TCAIM: variants seen among roughly 807,000 people sequenced by gnomAD.
The protein encoded by TCAIM is T cell activation inhibitor, mitochondrial, also known as T-cell activation inhibitor, mitochondrial.
A neutral mutation model predicts 58.6 loss-of-function variants in TCAIM; 36 were observed. That is an observed-to-expected ratio of 0.61 (90% confidence interval 0.47 to 0.81). The LOEUF (loss-of-function observed/expected upper bound fraction) is 0.81. Ranked by LOEUF, TCAIM falls within the 30% of genes least tolerant of loss-of-function variation. The probability of loss-of-function intolerance (pLI) is 0.00; values close to 1 mark genes in which losing one functional copy is unlikely to be tolerated. For missense variants in TCAIM, 466 were observed against 579.6 expected, an observed-to-expected ratio of 0.80 and a Z score of 2.01; for synonymous variants, 172 against 193.6, an observed-to-expected ratio of 0.89 and a Z score of 0.93.
intron 2 of TCAIM, 121 bp from the exon 3 acceptor site, chr3:44,357,620 A>G (rs769281591): frequency 5.8e-5 from 76 of 1,299,240 alleles, no homozygotes; most frequent in Non-Finnish European, 7.5e-5. Context: ...TCAGAAAACC[A>G]CAAAGTATCT....
intron 4 of TCAIM, among the ~76,000 whole-genome samples, chr3:44,363,819 A>T (rs1701326834): frequency 6.6e-6 from 1 of 151,872 alleles, no homozygotes; most frequent in South Asian, 2.1e-4. Context: ...ATGGTGACAC[A>T]AGCCTGTACT....
At chr3:44,394,264 T>C (rs1701886420) in intron 6 of TCAIM, among the ~76,000 whole-genome samples, 2 of 152,232 alleles carry the variant, frequency 1.3e-5, no homozygotes, top group African/African-American at 4.8e-5. Context: ...CTTTTAGACT[T>C]CCATGTGTGG....
At chr3:44,370,408 A>G (rs1412603326) in intron 5 of TCAIM, among the ~76,000 whole-genome samples, 2 of 150,810 alleles carry the variant, frequency 1.3e-5, no homozygotes, top group Non-Finnish European at 2.9e-5. Context: ...GTGAGCCAAC[A>G]TCACGCCACT....
chr3:44,394,286 G>C (rs750331353), intron 6 of TCAIM, among the ~76,000 whole-genome samples: 13 of 152,158 alleles, frequency 8.5e-5, no homozygotes, highest in Non-Finnish European at 1.8e-4. Flanking sequence ...ATGTTTGAAT[G>C]TATGCATATA....
intron 1 of TCAIM, among the ~76,000 whole-genome samples, chr3:44,346,768 A>G (rs1404872633): frequency 6.6e-6 from 1 of 152,160 alleles, no homozygotes; most frequent in East Asian, 1.9e-4. Flanking sequence ...CTAAAACAGT[A>G]AGGTCAAGTT....
At chr3:44,375,430 G>A (rs1701549670) in intron 5 of TCAIM, among the ~76,000 whole-genome samples, 1 of 152,068 alleles carries the variant, frequency 6.6e-6, no homozygotes, top group African/African-American at 2.4e-5. Flanking sequence ...AGAGGAGGAG[G>A]CGCCAGGCTA....
intron 10 of TCAIM, among the ~76,000 whole-genome samples, chr3:44,406,379 T>C (rs934516872): frequency 1.3e-5 from 2 of 152,262 alleles, no homozygotes; most frequent in South Asian, 4.1e-4. Context: ...TTAAGGGTTC[T>C]TTCTGTCTAA....
chr3:44,405,180 C>A (rs559372921), intron 10 of TCAIM, among the ~76,000 whole-genome samples: 1 of 152,264 alleles, frequency 6.6e-6, no homozygotes, highest in South Asian at 2.1e-4. Flanking sequence ...CCCAGAGTAA[C>A]CTGCACCTGA....
chr3:44,394,843 G>A (rs1424110794), intron 6 of TCAIM, among the ~76,000 whole-genome samples: 7 of 127,028 alleles, frequency 5.5e-5, no homozygotes, highest in South Asian at 2.8e-4. Context: ...GCAGTGAGCC[G>A]AGATCACGCC....
chr3:44,397,690 A>T (rs1045703767), intron 8 of TCAIM, among the ~76,000 whole-genome samples: 2 of 152,174 alleles, frequency 1.3e-5, no homozygotes, highest in African/African-American at 4.8e-5. Context: ...TTAACTTTTT[A>T]AAAAACTGCC....
chr3:44,396,792 T>C lies in TCAIM; in HGVS notation c.843T>C (p.His281=). 1 of 1,614,194 alleles carries C rather than the reference T, an allele frequency of 6.2e-7. No individual in the cohort carries two copies. Among genetic ancestry groups the C allele is most frequent in the Non-Finnish European group, 8.5e-7 (1 of 1,180,024 alleles). Residue 281 remains histidine (H), a synonymous_variant, in exon 8 of 11, where the codon CAT becomes CAC. Transcript: ENST00000342649. The part of the protein sequence containing the change: ...TDRSGMSAVG[H]VMLGTMDVHH... The stretch of plus-strand genomic sequence containing the variant: ...GTTCTGGCATGAGTGCAGTGGGCCA[T>C]GTGATGCTAGGAACAATGGATGTCC...
rs574092389 is a variant in TCAIM, at chr3:44,367,324, A to G, written c.320-132A>G. ...TTTTAGAGAAGGGAAGTCATTTTCCATTTACAGGTGATTTGCTAATAGGAC... is the reference window on the plus strand; with the variant it reads ...TTTTAGAGAAGGGAAGTCATTTTCCGTTTACAGGTGATTTGCTAATAGGAC... On this transcript the variant is annotated intron_variant, in intron 4 of 10. Transcript: ENST00000342649. 2.3e-5 allele frequency: 24 copies of G among 1,045,948 alleles called. No individual in the cohort carries two copies. In the South Asian group the frequency reaches 4.8e-4, roughly 21 times the overall value. The allele number at this position is 1,045,948 out of a possible 1,614,324, so 64.8% of individuals were successfully genotyped here. A position where few individuals can be genotyped will look rare whatever the true frequency, so the allele number is the denominator to read the frequency against.
chr3:44,354,804 A>G lies in TCAIM; in HGVS notation c.22A>G (p.Met8Val), dbSNP rs1288283321. The change falls in exon 2 of 11, where the codon ATG becomes GTG. Residue 8 changes from methionine to valine, a missense_variant. Transcript: ENST00000342649. MFCHLRP[M>V]RRLCLEKIFP... ...AGAAATGTTTTGCCACCTGAGACCT[A>G]TGAGGAGGTAAGCATCATGGTCCAA... 2.5e-6 allele frequency: 4 copies of G among 1,611,404 alleles called. No homozygotes were observed. The highest frequency in any genetic ancestry group is 1.7e-5 in the Admixed American group (1 of 58,988).
At chr3:44,370,541 T>C (rs1043523450) in intron 5 of TCAIM, among the ~76,000 whole-genome samples, 1 of 152,054 alleles carries the variant, frequency 6.6e-6, no homozygotes, top group African/African-American at 2.4e-5. Context: ...TTATCCATCT[T>C]GTCAACAGCT....
At chr3:44,392,720 C>T in intron 5 of TCAIM, 135 bp from the exon 6 acceptor site, 1 of 746,370 alleles carries the variant, frequency 1.3e-6, no homozygotes, top group East Asian at 2.8e-5. Flanking sequence ...TTTACCCAAT[C>T]TGTCATTGAT....
intron 1 of TCAIM, among the ~76,000 whole-genome samples, chr3:44,350,278 C>T (rs921455093): frequency 2.0e-5 from 3 of 152,078 alleles, no homozygotes. Flanking sequence ...AGAAGTTTCA[C>T]GAGGTAATGT....
chr3:44,406,309 T>C (rs1466035212), intron 10 of TCAIM, among the ~76,000 whole-genome samples: 1 of 152,244 alleles, frequency 6.6e-6, no homozygotes. Flanking sequence ...ATATCTTTTC[T>C]TGACAAGTGA....
intron 6 of TCAIM, among the ~76,000 whole-genome samples, chr3:44,395,130 A>C (rs1342371012): frequency 1.3e-5 from 2 of 151,222 alleles, no homozygotes; most frequent in Admixed American, 6.6e-5. Context: ...CATTCTAAAC[A>C]GCCTATATAA....
At chr3:44,348,634 C>T (rs1701022774) in intron 1 of TCAIM, among the ~76,000 whole-genome samples, 1 of 152,312 alleles carries the variant, frequency 6.6e-6, no homozygotes, top group South Asian at 2.1e-4. Context: ...ACCTTGAAGG[C>T]AAGGTTATTT....
Sources: allele counts gnomAD v4.1 joint callset (sites outside exome capture counted in the v4.1 genomes callset), GRCh38; gene constraint gnomAD v4.1.1; transcripts MANE v1.5; gene names NCBI Gene and HGNC (gene_info 2026-07-23, HGNC 2026-07-21).